Variants in COL23A1 observed in about 807,000 individuals in gnomAD.
The protein encoded by COL23A1 is collagen alpha-1(XXIII) chain.
In COL23A1, 97 loss-of-function variants were observed where a neutral mutation model predicts 99.3. That is an observed-to-expected ratio of 0.98 (90% CI 0.83 to 1.16). The LOEUF (loss-of-function observed/expected upper bound fraction) is 1.16. COL23A1 is among the 50% of genes most tolerant of loss of function. The pLI is 0.00. For synonymous variants in COL23A1, 320 were observed against 308.2 expected (o/e 1.04, Z -0.40); for missense variants, 762 against 757.4 (o/e 1.01, Z -0.07).
chr5:178,472,339 G>C (rs376175139), intron 2 of COL23A1, among the ~76,000 whole-genome samples: 1 of 152,170 alleles, frequency 6.6e-6, no homozygotes, highest in African/African-American at 2.4e-5. Flanking sequence ...TCCCAATGGG[G>C]AGTCAGCCTC....
intron 2 of COL23A1, among the ~76,000 whole-genome samples, chr5:178,400,495 G>A (rs948356320): frequency 7.9e-5 from 12 of 151,994 alleles, no homozygotes; most frequent in African/African-American, 2.4e-4. Flanking sequence ...TCCTCTGTAG[G>A]AGGATCTGTT....
chr5:178,441,188 C>G (rs17081259), intron 2 of COL23A1, among the ~76,000 whole-genome samples: 3,055 of 152,100 alleles, frequency 0.02, 92 homozygotes, highest in African/African-American at 0.067. Flanking sequence ...GTATTTTTTT[C>G]CCTCTCACAC....
In COL23A1 at chr5:178,309,766, C is replaced by A. The variant is rs1266866420; in HGVS notation, c.362-2847G>T. On this transcript the variant is annotated intron_variant, in intron 2 of 28. Transcript: ENST00000390654. The surrounding 1 kb of genome is among the most constrained non-coding windows in gnomAD (Gnocchi z 4.7). ...GGACCCCTTCCTTCTCAGCATCAGGCGAACGCTGCCCCTGCACTCAGTCCC... is the reference window on the plus strand; with the variant it reads ...GGACCCCTTCCTTCTCAGCATCAGGAGAACGCTGCCCCTGCACTCAGTCCC... 6.6e-6 allele frequency among the ~76,000 whole-genome samples: 1 copy of A among 151,810 alleles called. No homozygotes were observed. The highest frequency in any genetic ancestry group is 2.4e-5 in the African/African-American group (1 of 41,288).
chr5:178,287,506 C>G (rs939525142), intron 5 of COL23A1, among the ~76,000 whole-genome samples: 1 of 152,236 alleles, frequency 6.6e-6, no homozygotes, highest in African/African-American at 2.4e-5. Flanking sequence ...GTGGACCCCA[C>G]GTCAAGTCTC....
intron 2 of COL23A1, among the ~76,000 whole-genome samples, chr5:178,343,651 T>TTATA (rs142183875): frequency 0.014 from 1,727 of 127,114 alleles, 20 homozygotes; most frequent in Non-Finnish European, 0.017. Context: ...AATTTTTCCA[T>TTATA]TATATATATA....
chr5:178,348,831 T>A (rs935556933), intron 2 of COL23A1, among the ~76,000 whole-genome samples: 2 of 152,194 alleles, frequency 1.3e-5, no homozygotes, highest in Non-Finnish European at 2.9e-5. Flanking sequence ...GCCCAGCCAC[T>A]CTCTGCACAC....
intron 8 of COL23A1, among the ~76,000 whole-genome samples, chr5:178,265,428 T>C (rs1194696671): frequency 2.0e-5 from 3 of 152,164 alleles, no homozygotes; most frequent in Admixed American, 6.5e-5. Flanking sequence ...GCTCCTTTTA[T>C]AAAGGGCCTC....
chr5:178,244,640 C>A (rs1233360532), intron 25 of COL23A1, among the ~76,000 whole-genome samples: 1 of 152,202 alleles, frequency 6.6e-6, no homozygotes. Flanking sequence ...TTGATTTCCA[C>A]AGGGAAAGCA....
chr5:178,375,133 T>C (rs1352731510), intron 2 of COL23A1, among the ~76,000 whole-genome samples: 1 of 152,098 alleles, frequency 6.6e-6, no homozygotes, highest in Non-Finnish European at 1.5e-5. Flanking sequence ...TGGACGAACC[T>C]TGAAAACATG....
intron 2 of COL23A1, among the ~76,000 whole-genome samples, chr5:178,398,300 TC>T (rs1470284687): frequency 1.3e-5 from 2 of 152,162 alleles, no homozygotes; most frequent in Non-Finnish European, 2.9e-5. Context: ...GTAAAATAAC[TC>T]CAAAGAGAAA....
At chr5:178,477,284 G>A (rs1757082689) in intron 2 of COL23A1, among the ~76,000 whole-genome samples, 1 of 152,206 alleles carries the variant, frequency 6.6e-6, no homozygotes, top group Non-Finnish European at 1.5e-5. Context: ...GCTCTGAGCA[G>A]GAGAAACAGG....
intron 11 of COL23A1, 64 bp downstream of exon 11, chr5:178,261,658 G>T: frequency 8.8e-7 from 1 of 1,133,986 alleles, no homozygotes; most frequent in Non-Finnish European, 1.3e-6. Flanking sequence ...GGAAGTGGAG[G>T]TGGTGGTGGG....
At chr5:178,359,716 G>A (rs573167353) in intron 2 of COL23A1, among the ~76,000 whole-genome samples, 1 of 152,338 alleles carries the variant, frequency 6.6e-6, no homozygotes, top group African/African-American at 2.4e-5. Flanking sequence ...TAGTAAAGTC[G>A]CAGAGCTCAG....
intron 2 of COL23A1, among the ~76,000 whole-genome samples, chr5:178,332,201 T>C (rs1180412766): frequency 1.3e-5 from 2 of 152,210 alleles, no homozygotes; most frequent in Non-Finnish European, 2.9e-5. Flanking sequence ...CTGCAGCTTT[T>C]GGTCACCCTC....
At chr5:178,360,726 G>T (rs1021609341) in intron 2 of COL23A1, among the ~76,000 whole-genome samples, 1 of 152,236 alleles carries the variant, frequency 6.6e-6, no homozygotes, top group Non-Finnish European at 1.5e-5. Context: ...GTCATGGAGT[G>T]TTCAGGAGGT....
intron 17 of COL23A1, among the ~76,000 whole-genome samples, chr5:178,251,908 T>C (rs13161786): frequency 2.2e-4 from 17 of 76,318 alleles, no homozygotes; most frequent in African/African-American, 8.2e-4. Flanking sequence ...CATTTTCTTT[T>C]CTTTTTTTTT....
chr5:178,447,231 T>C (rs1767212513), intron 2 of COL23A1, among the ~76,000 whole-genome samples: 1 of 152,046 alleles, frequency 6.6e-6, no homozygotes, highest in Non-Finnish European at 1.5e-5. Context: ...GTAGCTGGGA[T>C]TACAGGTGTG....
At chr5:178,370,570 G>C (rs1762745555) in intron 2 of COL23A1, among the ~76,000 whole-genome samples, 1 of 152,106 alleles carries the variant, frequency 6.6e-6, no homozygotes, top group Non-Finnish European at 1.5e-5. Flanking sequence ...AGAAATTCAA[G>C]AGAGCTACTG....
intron 2 of COL23A1, among the ~76,000 whole-genome samples, chr5:178,316,773 T>C (rs1197598321): frequency 3.3e-5 from 5 of 151,932 alleles, no homozygotes. Flanking sequence ...CCACATACGC[T>C]CAAACAAACT....
Sources: gnomAD v4.1 joint callset for allele counts (sites outside exome capture counted in the v4.1 genomes callset) on GRCh38, gnomAD v4.1.1 for gene constraint, Gnocchi (gnomAD v3.1) non-coding constraint, MANE v1.5 for transcripts, NCBI Gene and HGNC (gene_info 2026-07-23, HGNC 2026-07-21) for gene names.